The following TMC1 variants were observed in gnomAD, a reference collection of about 807,000 sequenced individuals.
TMC1 encodes transmembrane channel like 1.
Under a neutral mutation model 105.8 loss-of-function variants are expected in TMC1, and 84 were observed. The ratio of observed to expected loss-of-function variants is 0.79; its 90% CI spans 0.67 to 0.95. The LOEUF (loss-of-function observed/expected upper bound fraction) is 0.95, where lower values mean the gene tolerates loss of function less well. Ranked by LOEUF, TMC1 falls within the 40% of genes least tolerant of loss-of-function variation. The probability of loss-of-function intolerance (pLI) is 0.00; values close to 1 mark genes in which losing one functional copy is unlikely to be tolerated. For missense variants in TMC1, 817 were observed against 914.1 expected (o/e 0.89, Z 1.37); for synonymous variants, 315 against 311.5 (o/e 1.01, Z -0.12).
At chr9:72,649,012 A>C (rs1373949241) in intron 5 of TMC1, among the ~76,000 whole-genome samples, 1 of 152,230 alleles carries the variant, frequency 6.6e-6, no homozygotes, top group African/African-American at 2.4e-5. Flanking sequence ...ACCTATTGTC[A>C]GATTGGTGTG....
At chr9:72,569,480 G>A (rs1293508444) in intron 1 of TMC1, among the ~76,000 whole-genome samples, 1 of 152,172 alleles carries the variant, frequency 6.6e-6, no homozygotes, top group Admixed American at 6.5e-5. Context: ...GCTGGACTCT[G>A]TGACGAAATG....
rs529705204 is a variant in TMC1, at chr9:72,563,308, C to T, written c.-427-14594C>T. 3.3e-5 allele frequency among the ~76,000 whole-genome samples: 5 copies of T among 152,200 alleles called. No homozygotes were observed. The South Asian group carries it at 1.0e-3, about 32-fold the overall frequency. ...ATAGGGAGCCCCAGAAATTGTTCAA[C>T]CATCATCAGCTTTACATTTCACTAT... is the stretch of plus-strand genomic sequence containing the variant. On this transcript the variant is annotated intron_variant, in intron 1 of 23. Transcript: ENST00000297784.
chr9:72,685,239 T>C (rs1826360087), intron 5 of TMC1, among the ~76,000 whole-genome samples: 1 of 151,486 alleles, frequency 6.6e-6, no homozygotes, highest in Non-Finnish European at 1.5e-5. Flanking sequence ...CCCGAGTAGC[T>C]GGGACTACAG....
At chr9:72,683,563 TGTCC>T (rs1189280487) in intron 5 of TMC1, among the ~76,000 whole-genome samples, 1 of 150,972 alleles carries the variant, frequency 6.6e-6, no homozygotes, top group Non-Finnish European at 1.5e-5. Context: ...TTCACTGGTC[TGTCC>T]TCCCTTTTCT....
chr9:72,691,137 G>A (rs1826460011), intron 6 of TMC1, among the ~76,000 whole-genome samples: 2 of 151,946 alleles, frequency 1.3e-5, no homozygotes, highest in Admixed American at 6.6e-5. Flanking sequence ...CTATTCTTCA[G>A]TTATTGTGTT....
intron 1 of TMC1, among the ~76,000 whole-genome samples, chr9:72,568,665 T>G (rs953882001): frequency 8.5e-6 from 1 of 117,094 alleles, no homozygotes; most frequent in African/African-American, 2.8e-5. Context: ...AATTTGTTTA[T>G]TTTTTTCATT....
chr9:72,788,684 A>G (rs1158185230), intron 14 of TMC1, among the ~76,000 whole-genome samples: 1 of 152,164 alleles, frequency 6.6e-6, no homozygotes, highest in Admixed American at 6.5e-5. Context: ...TATTCCTTAA[A>G]CACTTCTCTT....
chr9:72,821,168 T>A, intron 20 of TMC1, 87 bp downstream of exon 20: 3 of 1,589,626 alleles, frequency 1.9e-6, no homozygotes, highest in Non-Finnish European at 2.6e-6. Flanking sequence ...AGCTATTTTT[T>A]CCCCCCAAAC....
chr9:72,572,530 GA>G (rs2132091324), intron 1 of TMC1, among the ~76,000 whole-genome samples: 1 of 152,290 alleles, frequency 6.6e-6, no homozygotes, highest in African/African-American at 2.4e-5. Flanking sequence ...GTATAAATGT[GA>G]AAGACATTCA....
At chr9:72,580,819 G>A (rs1824463602) in intron 2 of TMC1, among the ~76,000 whole-genome samples, 1 of 152,264 alleles carries the variant, frequency 6.6e-6, no homozygotes, top group African/African-American at 2.4e-5. Context: ...AAGTGAAGCA[G>A]GGTGGGCAGA....
At chr9:72,584,266 A>C (rs991043929) in intron 2 of TMC1, among the ~76,000 whole-genome samples, 1 of 121,454 alleles carries the variant, frequency 8.2e-6, no homozygotes, top group Non-Finnish European at 1.6e-5. Flanking sequence ...TAATGTCACT[A>C]CTTTTTTTTT....
intron 8 of TMC1, among the ~76,000 whole-genome samples, chr9:72,721,977 C>T (rs1166050842): frequency 6.6e-6 from 1 of 152,112 alleles, no homozygotes; most frequent in Admixed American, 6.6e-5. Flanking sequence ...AGCTCCACAA[C>T]CTGAATTCCA....
intron 12 of TMC1, among the ~76,000 whole-genome samples, chr9:72,770,359 A>G (rs961675475): frequency 4.1e-5 from 6 of 146,326 alleles, no homozygotes; most frequent in Non-Finnish European, 7.5e-5. Context: ...TATCATTATT[A>G]TTACTTAAAT....
chr9:72,746,945 A>G (rs1013581445), intron 10 of TMC1, among the ~76,000 whole-genome samples: 1 of 152,164 alleles, frequency 6.6e-6, no homozygotes, highest in Non-Finnish European at 1.5e-5. Flanking sequence ...ATTTTTCTGA[A>G]GCAACTGCAT....
intron 1 of TMC1, among the ~76,000 whole-genome samples, chr9:72,566,872 G>C (rs903617197): frequency 6.6e-6 from 1 of 152,168 alleles, no homozygotes; most frequent in African/African-American, 2.4e-5. Context: ...CCAGCACCAG[G>C]TGCCCAGTTG....
At chr9:72,719,188 C>A (rs1201670697) in intron 8 of TMC1, among the ~76,000 whole-genome samples, 1 of 152,174 alleles carries the variant, frequency 6.6e-6, no homozygotes, top group East Asian at 1.9e-4. Flanking sequence ...TTCACATCCT[C>A]CCCCAAGTTC....
chr9:72,600,166 T>C (rs1205686456), intron 2 of TMC1, among the ~76,000 whole-genome samples: 1 of 152,204 alleles, frequency 6.6e-6, no homozygotes, highest in Admixed American at 6.5e-5. Context: ...GAAAAATCTC[T>C]ATGGCAGCAA....
At chr9:72,790,676 G>T (rs910407115) in intron 15 of TMC1, among the ~76,000 whole-genome samples, 2 of 152,070 alleles carry the variant, frequency 1.3e-5, no homozygotes, top group African/African-American at 2.4e-5. Context: ...GACCCTCTGA[G>T]TCCTAGGGGC....
At chr9:72,716,972 T>C (rs1826932203) in intron 8 of TMC1, among the ~76,000 whole-genome samples, 1 of 152,174 alleles carries the variant, frequency 6.6e-6, no homozygotes, top group African/African-American at 2.4e-5. Context: ...TGGGCCGGTG[T>C]ATGTGGTACA....
Sources: allele counts gnomAD v4.1 joint callset (sites outside exome capture counted in the v4.1 genomes callset), GRCh38; gene constraint gnomAD v4.1.1; transcripts MANE v1.5; gene names NCBI Gene and HGNC (gene_info 2026-07-23, HGNC 2026-07-21).